Variants in FGF13 observed in about 807,000 individuals in gnomAD.
The protein encoded by FGF13 is fibroblast growth factor homologous factor 2.
A neutral mutation model predicts 19.5 loss-of-function variants in FGF13; 2 were observed. The ratio of observed to expected loss-of-function variants is 0.10; its 90% CI spans 0.04 to 0.32. FGF13 has a LOEUF of 0.32. FGF13 is among the 10% of genes least tolerant of loss of function. The pLI is 1.00. For missense variants in FGF13, 113 were observed against 192.7 expected (o/e 0.59, Z 2.45); for synonymous variants, 72 against 76.9 (o/e 0.94, Z 0.33).
chrX:138,708,067 A>C (rs760391825), intron 2 of FGF13, among the ~76,000 whole-genome samples: 15 of 112,466 alleles, frequency 1.3e-4, no homozygotes, highest in Non-Finnish European at 2.4e-4. Context: ...AGTCTCCAGA[A>C]ATCTGTAAAT....
intron 1 of FGF13, among the ~76,000 whole-genome samples, chrX:138,721,646 A>G (rs998704480): frequency 9.1e-6 from 1 of 110,237 alleles, no homozygotes; most frequent in Non-Finnish European, 1.9e-5. Flanking sequence ...CCATCTCTGT[A>G]TCTTTCTTTG....
intron 1 of FGF13, among the ~76,000 whole-genome samples, chrX:139,163,872 A>G (rs951688955): frequency 1.8e-5 from 2 of 111,561 alleles, no homozygotes; most frequent in Non-Finnish European, 3.8e-5. Context: ...CAAAAACAGT[A>G]TGTTCAAGCA....
In FGF13 at chrX:138,632,744, A is replaced by C; in HGVS notation, c.*106T>G. On this transcript the variant is annotated 3_prime_UTR_variant, in exon 5 of 5. Coordinates refer to ENST00000315930, the MANE Select transcript of FGF13 (RefSeq NM_004114.5). ...AGTGAACTCTGCCTGTTTGTTTGGT[A>C]AATGTCACTGACAAATTTGAACTTT... 1.1e-6 allele frequency: 1 copy of C among 930,285 alleles called. No individual in the cohort carries two copies. The highest frequency in any genetic ancestry group is 1.5e-6 in the Non-Finnish European group (1 of 674,917). The allele number at this position is 930,285 out of a possible 1,213,427, so 76.7% of individuals were successfully genotyped here. A position where few individuals can be genotyped will look rare whatever the true frequency, so the allele number is the denominator to read the frequency against.
At chrX:138,802,746 G>C (rs2090839178) in intron 3 of FGF13, among the ~76,000 whole-genome samples, 1 of 110,400 alleles carries the variant, frequency 9.1e-6, no homozygotes, top group Non-Finnish European at 1.9e-5. Context: ...GTATTCACAG[G>C]GATTCTATCC....
intron 3 of FGF13, among the ~76,000 whole-genome samples, chrX:138,792,228 T>A (rs2090747888): frequency 8.9e-6 from 1 of 112,439 alleles, no homozygotes. Flanking sequence ...ACGATAAATT[T>A]AATAAACATG....
At chrX:138,785,209 A>G (rs937934666) in intron 3 of FGF13, among the ~76,000 whole-genome samples, 3 of 111,803 alleles carry the variant, frequency 2.7e-5, no homozygotes, top group African/African-American at 9.8e-5. Flanking sequence ...TGTGCTCAGT[A>G]TCCATCTCAA....
chrX:138,647,421 T>C (rs765373426), intron 3 of FGF13, among the ~76,000 whole-genome samples: 2 of 111,309 alleles, frequency 1.8e-5, no homozygotes, highest in South Asian at 7.6e-4. Flanking sequence ...GTTTCCTATT[T>C]ACGACTAAAC....
chrX:138,782,998 G>T (rs1452497466), intron 3 of FGF13, among the ~76,000 whole-genome samples: 2 of 75,749 alleles, frequency 2.6e-5, no homozygotes, highest in Non-Finnish European at 4.9e-5. Flanking sequence ...AGAGCCCTCA[G>T]AAATAACGCC....
intron 1 of FGF13, among the ~76,000 whole-genome samples, chrX:138,992,108 A>ATG (rs764359727): frequency 2.9e-4 from 3 of 10,302 alleles, no homozygotes; most frequent in African/African-American, 6.4e-4. Context: ...ATATATATAC[A>ATG]TGTGTGTGTG....
Position 139,088,129 on chromosome X carries a change from G to A in FGF13, c.-113+115287C>T, listed in dbSNP as rs753991315. Among the ~76,000 whole-genome samples, 44 of 111,929 alleles carry A rather than the reference G, an allele frequency of 3.9e-4. 1 individual carries two copies. Among genetic ancestry groups the A allele is most frequent in the Admixed American group, 3.7e-3 (39 of 10,534 alleles). ...TATTCCTGCAAAATGGCAGGTTTTC[G>A]AAAACATGCTGGGCAGCTATGACAT... On this transcript the variant is annotated intron_variant, in intron 1 of 2. Coordinates refer to the FGF13 transcript ENST00000421460.
intron 1 of FGF13, among the ~76,000 whole-genome samples, chrX:139,118,947 AG>A: frequency 9.0e-6 from 1 of 111,726 alleles, no homozygotes; most frequent in Admixed American, 9.5e-5. Flanking sequence ...GATCCCTTGA[AG>A]CCAGAAGTTC....
intron 1 of FGF13, among the ~76,000 whole-genome samples, chrX:139,154,081 T>C (rs760099811): frequency 8.9e-6 from 1 of 111,865 alleles, no homozygotes; most frequent in African/African-American, 3.2e-5. Context: ...TAAACACAGA[T>C]ACCATCTTGA....
At chrX:138,647,393 G>A (rs1461784773) in intron 3 of FGF13, among the ~76,000 whole-genome samples, 1 of 111,324 alleles carries the variant, frequency 9.0e-6, no homozygotes. Flanking sequence ...TAGCTATGTT[G>A]CAGTGAACAA....
chrX:138,966,853 C>T (rs2091897019), intron 1 of FGF13, among the ~76,000 whole-genome samples: 1 of 111,307 alleles, frequency 9.0e-6, no homozygotes, highest in African/African-American at 3.3e-5. Context: ...GTGGAGATAA[C>T]TGAATCATGG....
intron 1 of FGF13, among the ~76,000 whole-genome samples, chrX:139,098,913 A>G (rs1322976540): frequency 9.0e-6 from 1 of 111,655 alleles, no homozygotes; most frequent in Admixed American, 9.5e-5. Flanking sequence ...AACAGCAAAA[A>G]TAAACAAAAA....
chrX:138,848,656 C>T (rs369573162), intron 3 of FGF13, among the ~76,000 whole-genome samples: 1 of 111,386 alleles, frequency 9.0e-6, no homozygotes, highest in South Asian at 3.8e-4. Flanking sequence ...ACCAGAAGCA[C>T]GACAAGAGAT....
At chrX:138,645,737 T>C (rs1434723005) in intron 3 of FGF13, among the ~76,000 whole-genome samples, 3 of 112,377 alleles carry the variant, frequency 2.7e-5, no homozygotes, top group African/African-American at 9.7e-5. Context: ...CACCTTTCCA[T>C]TTCTGTGAGG....
chrX:138,838,376 A>G (rs1207075853), intron 3 of FGF13, among the ~76,000 whole-genome samples: 8 of 111,500 alleles, frequency 7.2e-5, no homozygotes, highest in Non-Finnish European at 1.3e-4. Context: ...CTGAGTGGCT[A>G]CTCTGCAGAA....
chrX:138,785,091 C>T (rs745962738), intron 3 of FGF13, among the ~76,000 whole-genome samples: 16 of 111,920 alleles, frequency 1.4e-4, no homozygotes, highest in Non-Finnish European at 2.6e-4. Context: ...CCTACATGTA[C>T]ATCCAACATC....
Sources: gnomAD v4.1 joint callset for allele counts (sites outside exome capture counted in the v4.1 genomes callset) on GRCh38, gnomAD v4.1.1 for gene constraint, MANE v1.5 for transcripts, NCBI Gene and HGNC (gene_info 2026-07-23, HGNC 2026-07-21) for gene names.